Variants in MYO1E observed in about 807,000 individuals in gnomAD.
MYO1E encodes the protein unconventional myosin-Ie.
MYO1E carries 68 observed loss-of-function variants against 151.1 expected under a neutral mutation model. That is an observed-to-expected ratio of 0.45 (90% CI 0.37 to 0.55). The LOEUF is 0.55. MYO1E is among the 20% of genes least tolerant of loss of function. The pLI is 0.00. For synonymous variants in MYO1E, 601 were observed against 501.7 expected (o/e 1.20, Z -2.64); for missense variants, 1,363 against 1,389.3 (o/e 0.98, Z 0.30).
intron 15 of MYO1E, among the ~76,000 whole-genome samples, chr15:59,203,324 A>T (rs1378573443): frequency 6.6e-6 from 1 of 151,718 alleles, no homozygotes; most frequent in Non-Finnish European, 1.5e-5. Flanking sequence ...GCTTTTGAGT[A>T]TGAGCAATTT....
intron 23 of MYO1E, 71 bp downstream of exon 23, chr15:59,163,086 G>A: frequency 6.4e-7 from 1 of 1,556,856 alleles, no homozygotes; most frequent in East Asian, 2.3e-5. Context: ...GCCCCATCCT[G>A]AATCGCAGGG....
In MYO1E at chr15:59,132,569, A is replaced by G. The variant is rs2079351557; in HGVS notation, c.*4811T>C. Reference sequence around the variant, plus strand: ...AGCAGGCACCCCAAACTAAAATGTCATAAATGGGAAATGAGTGGCAGAAGT... The same window carrying G: ...AGCAGGCACCCCAAACTAAAATGTCGTAAATGGGAAATGAGTGGCAGAAGT... On this transcript the variant is annotated 3_prime_UTR_variant, in exon 28 of 28. Coordinates refer to ENST00000288235, the MANE Select transcript of MYO1E (RefSeq NM_004998.4). 6.6e-6 allele frequency: 1 copy of G among 152,238 alleles called. No homozygotes were observed. Among genetic ancestry groups the G allele is most frequent in the Non-Finnish European group, 1.5e-5 (1 of 68,042 alleles). The allele number at this position is 152,238 out of a possible 1,614,324, so 9.4% of individuals were successfully genotyped here. A position where few individuals can be genotyped will look rare whatever the true frequency, so the allele number is the denominator to read the frequency against.
intron 1 of MYO1E, among the ~76,000 whole-genome samples, chr15:59,362,840 T>C (rs1361354654): frequency 6.6e-6 from 1 of 152,256 alleles, no homozygotes; most frequent in African/African-American, 2.4e-5. Flanking sequence ...ACTAACAATG[T>C]GATATTCTAA....
At chr15:59,219,943 T>C (rs1405141261) in intron 9 of MYO1E, among the ~76,000 whole-genome samples, 1 of 152,178 alleles carries the variant, frequency 6.6e-6, no homozygotes, top group African/African-American at 2.4e-5. Flanking sequence ...TGTGCATTCA[T>C]CTCACAGAGT....
chr15:59,138,547 C>T lies in MYO1E; in HGVS notation c.3081-180G>A, dbSNP rs534969707. 2.6e-5 allele frequency among the ~76,000 whole-genome samples: 4 copies of T among 152,338 alleles called. No homozygotes were observed. In the South Asian group the frequency reaches 6.2e-4, roughly 24 times the overall value. On this transcript the variant is annotated intron_variant, in intron 26 of 27. Coordinates refer to ENST00000288235, the MANE Select transcript of MYO1E (RefSeq NM_004998.4). ...TGAGGAATAAAAGTAACTTTTCTGA[C>T]AAGGTTGTTGCAAATGCACATAGCT...
chr15:59,358,651 A>G (rs564375971), intron 1 of MYO1E, among the ~76,000 whole-genome samples: 2 of 152,352 alleles, frequency 1.3e-5, no homozygotes, highest in East Asian at 3.9e-4. Flanking sequence ...AATTAATATC[A>G]ATGTATCCTC....
At chr15:59,335,829 T>C (rs2080725037) in intron 1 of MYO1E, among the ~76,000 whole-genome samples, 1 of 152,124 alleles carries the variant, frequency 6.6e-6, no homozygotes, top group South Asian at 2.1e-4. Context: ...ACCTGTATCA[T>C]CTGAAGCCAT....
intron 1 of MYO1E, among the ~76,000 whole-genome samples, chr15:59,371,983 C>A (rs2140448307): frequency 6.7e-6 from 1 of 149,926 alleles, no homozygotes; most frequent in South Asian, 2.1e-4. Flanking sequence ...CGTGCCGCTG[C>A]CAGGCGGGAC....
intron 16 of MYO1E, among the ~76,000 whole-genome samples, chr15:59,199,051 G>A (rs759582676): frequency 1.1e-4 from 17 of 152,208 alleles, no homozygotes; most frequent in South Asian, 2.1e-4. Flanking sequence ...GCTTGGGAAG[G>A]GAAGTGTTTC....
At chr15:59,365,239 G>A (rs368782150) in intron 1 of MYO1E, among the ~76,000 whole-genome samples, 18 of 151,952 alleles carry the variant, frequency 1.2e-4, no homozygotes, top group South Asian at 4.2e-4. Context: ...GGCTGGTCTC[G>A]GACTTCTGAC....
chr15:59,315,442 G>A (rs1437345322), intron 1 of MYO1E, among the ~76,000 whole-genome samples: 5 of 151,834 alleles, frequency 3.3e-5, no homozygotes, highest in African/African-American at 9.7e-5. Context: ...TGCATGCTGG[G>A]CTTAATACCT....
intron 1 of MYO1E, among the ~76,000 whole-genome samples, chr15:59,355,766 A>T (rs1275024990): frequency 2.0e-5 from 3 of 151,680 alleles, no homozygotes; most frequent in African/African-American, 7.3e-5. Context: ...CCCAGGCTGG[A>T]GTACAGTGGC....
intron 27 of MYO1E, 129 bp from the exon 28 acceptor site, chr15:59,137,585 C>A: frequency 1.3e-6 from 1 of 797,060 alleles, no homozygotes; most frequent in Non-Finnish European, 2.2e-6. Flanking sequence ...TTCTTTAAAT[C>A]AAAAAGTTTG....
At chr15:59,325,788 T>TG (rs1395642570) in intron 1 of MYO1E, among the ~76,000 whole-genome samples, 2 of 152,192 alleles carry the variant, frequency 1.3e-5, no homozygotes, top group Admixed American at 6.5e-5. Flanking sequence ...CCATGGCATC[T>TG]GTAGTGCTCA....
chr15:59,361,008 T>C (rs1266982320), intron 1 of MYO1E, among the ~76,000 whole-genome samples: 1 of 152,100 alleles, frequency 6.6e-6, no homozygotes, highest in Non-Finnish European at 1.5e-5. Context: ...GGTTGAAAAA[T>C]GTGTGTGCCC....
At position 59,346,567 on chromosome 15, in the gene MYO1E, T is replaced by C. The variant is rs142113676; in HGVS notation, c.3+25931A>G. On this transcript the variant is annotated intron_variant, in intron 1 of 27. Transcript: ENST00000288235. ...AATTATTAATATTTTCAAAAGACAATGTTTTAGGAAATATCCCATTCAAAT... is the reference window on the plus strand; with the variant it reads ...AATTATTAATATTTTCAAAAGACAACGTTTTAGGAAATATCCCATTCAAAT... Among the ~76,000 whole-genome samples the C allele has an allele frequency of 2.3e-3, 348 of 152,194 alleles. 4 individuals carry two copies. The highest frequency in any genetic ancestry group is 8.1e-3 in the African/African-American group (337 of 41,506).
At chr15:59,325,941 A>G (rs1567015449) in intron 1 of MYO1E, among the ~76,000 whole-genome samples, 1 of 152,186 alleles carries the variant, frequency 6.6e-6, no homozygotes, top group Non-Finnish European at 1.5e-5. Context: ...AGTGAATCAG[A>G]ATGTGGAGGC....
At chr15:59,340,867 C>T (rs1233126676) in intron 1 of MYO1E, among the ~76,000 whole-genome samples, 9 of 151,212 alleles carry the variant, frequency 6.0e-5, no homozygotes, top group Admixed American at 6.6e-5. Context: ...ACTAAAAATA[C>T]AAAAATCAGC....
At chr15:59,233,538 C>T (rs1468010126) in intron 5 of MYO1E, among the ~76,000 whole-genome samples, 1 of 151,908 alleles carries the variant, frequency 6.6e-6, no homozygotes, top group African/African-American at 2.4e-5. Context: ...GTGGTGCACG[C>T]CTGTAGTCCC....
Sources: gnomAD v4.1 joint callset for allele counts (sites outside exome capture counted in the v4.1 genomes callset) on GRCh38, gnomAD v4.1.1 for gene constraint, MANE v1.5 for transcripts, NCBI Gene and HGNC (gene_info 2026-07-23, HGNC 2026-07-21) for gene names.